Variants in RETREG1 observed in about 807,000 individuals in gnomAD.
The protein encoded by RETREG1 is family with sequence similarity 134 member B.
RETREG1 carries 44 observed loss-of-function variants against 54.8 expected under a neutral mutation model. The ratio of observed to expected loss-of-function variants is 0.80; its 90% CI spans 0.63 to 1.03. RETREG1 has a LOEUF of 1.03. Ranked by LOEUF, RETREG1 falls within the 50% of genes least tolerant of loss-of-function variation. The pLI, the probability that RETREG1 is intolerant of heterozygous loss-of-function variation, is 0.00. For missense variants in RETREG1, 554 were observed against 605.1 expected, an observed-to-expected ratio of 0.92 and a Z score of 0.89; for synonymous variants, 217 against 238.5, an observed-to-expected ratio of 0.91 and a Z score of 0.83.
intron 1 of RETREG1, among the ~76,000 whole-genome samples, chr5:16,584,755 A>G (rs1338725744): frequency 6.6e-6 from 1 of 152,210 alleles, no homozygotes; most frequent in African/African-American, 2.4e-5. Flanking sequence ...ACTATTAAGG[A>G]AAAAAAGCTG....
chr5:16,521,205 C>T (rs1377008738), intron 3 of RETREG1, among the ~76,000 whole-genome samples: 1 of 152,108 alleles, frequency 6.6e-6, no homozygotes, highest in Non-Finnish European at 1.5e-5. Context: ...GATATGAAGC[C>T]ACTTTCTTTT....
At position 16,616,691 on chromosome 5, in the gene RETREG1, C is replaced by T. The variant is rs1264334326; in HGVS notation, c.281G>A (p.Arg94Gln). Residue 94 changes from arginine to glutamine, a missense_variant, in exon 1 of 9, where the codon CGG becomes CAG. Physicochemically the swap from Arg to Gln is conservative, Grantham distance 43 (BLOSUM62 1). This residue lies in a region of RETREG1 where 175 missense variants were observed against 142.1 expected (regional missense o/e 1.23). Coordinates refer to ENST00000306320, the MANE Select transcript of RETREG1 (RefSeq NM_001034850.3). ...DELLSWKRPL[R>Q]SLLGFVAANL... ...GGCAGCGACGAAGCCGAGCAGGCTCCGCAGCGGCCTCTTCCAGCTCAGCAG... is the reference window on the plus strand; with the variant it reads ...GGCAGCGACGAAGCCGAGCAGGCTCTGCAGCGGCCTCTTCCAGCTCAGCAG... 1.3e-6 allele frequency: 2 copies of T among 1,595,950 alleles called. No individual in the cohort carries two copies. The highest frequency in any genetic ancestry group is 1.7e-6 in the Non-Finnish European group (2 of 1,177,446).
In RETREG1 at chr5:16,531,839, T is replaced by C. The variant is rs559540772; in HGVS notation, c.458+33924A>G. 5.3e-4 allele frequency among the ~76,000 whole-genome samples: 80 copies of C among 152,180 alleles called. 1 individual carries two copies. The highest frequency in any genetic ancestry group is 1.3e-4 in the Non-Finnish European group (9 of 68,016). On this transcript the variant is annotated intron_variant, in intron 3 of 8. Transcript: ENST00000306320. Reference sequence around the variant, plus strand: ...TGACCATCACTGAGTTTGGCTGCTCTTTCTCAACACAAGCAGTGAGCAAAC... The same window carrying C: ...TGACCATCACTGAGTTTGGCTGCTCCTTCTCAACACAAGCAGTGAGCAAAC...
At position 16,474,595 on chromosome 5, in the gene RETREG1, A is replaced by T; in HGVS notation, c.*146T>A. The T allele has an allele frequency of 1.1e-6, 1 of 909,162 alleles. No individual in the cohort carries two copies. Among genetic ancestry groups the T allele is most frequent in the Non-Finnish European group, 1.6e-6 (1 of 608,574 alleles). The allele number at this position is 909,162 out of a possible 1,614,324, so 56.3% of individuals were successfully genotyped here. A position where few individuals can be genotyped will look rare whatever the true frequency, so the allele number is the denominator to read the frequency against. On this transcript the variant is annotated 3_prime_UTR_variant, in exon 9 of 9. Coordinates refer to ENST00000306320, the MANE Select transcript of RETREG1 (RefSeq NM_001034850.3). ...AGTGTCAGCTGATATATATCCAATT[A>T]ATTCACTGCAGGAGGGAAAATAAAA... is the stretch of plus-strand genomic sequence containing the variant.
At chr5:16,551,457 CTACCTTG>C (rs1741539882) in intron 3 of RETREG1, among the ~76,000 whole-genome samples, 1 of 152,172 alleles carries the variant, frequency 6.6e-6, no homozygotes, top group African/African-American at 2.4e-5. Flanking sequence ...CTCTTCTTGA[CTACCTTG>C]GCCATGTTGG....
intron 3 of RETREG1, among the ~76,000 whole-genome samples, chr5:16,539,555 C>T (rs1741179967): frequency 6.6e-6 from 1 of 152,186 alleles, no homozygotes; most frequent in Non-Finnish European, 1.5e-5. Context: ...CTCATCTCCT[C>T]CTGCTCGGCA....
At chr5:16,500,054 G>T (rs930379746) in intron 3 of RETREG1, among the ~76,000 whole-genome samples, 6 of 152,186 alleles carry the variant, frequency 3.9e-5, no homozygotes, top group Admixed American at 3.9e-4. Context: ...GTTGTGGCCT[G>T]GCCTGAAAGA....
chr5:16,600,279 G>T (rs568623514), intron 1 of RETREG1, among the ~76,000 whole-genome samples: 115 of 152,314 alleles, frequency 7.6e-4, no homozygotes, highest in Non-Finnish European at 1.5e-3. Context: ...GGGATTACAG[G>T]CGTTAGCCAC....
chr5:16,515,218 C>T (rs1436816404), intron 3 of RETREG1, among the ~76,000 whole-genome samples: 13 of 152,034 alleles, frequency 8.6e-5, no homozygotes, highest in Admixed American at 8.5e-4. Context: ...TACATTCCCA[C>T]CAGCAGTGTA....
Position 16,616,683 on chromosome 5 carries a change from G to A in RETREG1, c.289C>T (p.Leu97Phe). ...AGCAGGTTGGCAGCGACGAAGCCGAGCAGGCTCCGCAGCGGCCTCTTCCAG... is the reference window on the plus strand; with the variant it reads ...AGCAGGTTGGCAGCGACGAAGCCGAACAGGCTCCGCAGCGGCCTCTTCCAG... ...LSWKRPLRSL[L>F]GFVAANLLFW... is the part of the protein sequence containing the mutation. Residue 97 changes from leucine (L) to phenylalanine (F), a missense_variant, in exon 1 of 9, where the codon CTC becomes TTC. Transcript: ENST00000306320. 1 of 1,595,940 alleles carries A rather than the reference G, an allele frequency of 6.3e-7. No individual in the cohort carries two copies. The highest frequency in any genetic ancestry group is 2.2e-5 in the East Asian group (1 of 44,532).
In RETREG1 at chr5:16,561,517, T is replaced by TAAATA. The variant is rs1022401766; in HGVS notation, c.458+4241_458+4245dup. ...GTCTCAAAAAATAATAATAATAAAA[T>TAAATA]AAATAAAATAAAATAAAATACAAAT... On this transcript the variant is annotated intron_variant, in intron 3 of 8. Transcript: ENST00000306320. This position sits in a 1 kb window ranked among gnomAD's most constrained non-coding sequence, Gnocchi z 4.2. 9.9e-5 allele frequency among the ~76,000 whole-genome samples: 15 copies of TAAATA among 151,674 alleles called. No individual in the cohort carries two copies. In the East Asian group the frequency reaches 1.2e-3, roughly 12 times the overall value.
intron 3 of RETREG1, among the ~76,000 whole-genome samples, chr5:16,514,543 TA>T (rs1740283569): frequency 6.6e-6 from 1 of 152,238 alleles, no homozygotes; most frequent in Non-Finnish European, 1.5e-5. Flanking sequence ...TTAATTTTTT[TA>T]TTTCAATAGT....
In RETREG1 at chr5:16,616,954, A is replaced by G. The variant is rs773314283; in HGVS notation, c.18T>C (p.Pro6=). 57 of 1,438,148 alleles carry G rather than the reference A, an allele frequency of 4.0e-5. No homozygotes were observed. The highest frequency in any genetic ancestry group is 1.3e-4 in the African/African-American group (9 of 67,354). 89.1% of individuals were successfully genotyped at this position (1,438,148 alleles called of 1,614,324 possible). ...GGCATCCCTCCTCGGCGTGCTCCGG[A>G]GGCGCCGGGCTCGCCATCTTCAGCT... MASPA[P]PEHAEEGCPA... Residue 6 remains proline (P), a synonymous_variant, in exon 1 of 9, where the codon CCT becomes CCC. Coordinates refer to ENST00000306320, the MANE Select transcript of RETREG1 (RefSeq NM_001034850.3).
Position 16,597,065 on chromosome 5 carries a change from G to A in RETREG1, c.320+19587C>T, listed in dbSNP as rs35001. 0.33 allele frequency among the ~76,000 whole-genome samples: 49,994 copies of A among 152,108 alleles called. 8,481 individuals are homozygous for A. The highest frequency in any genetic ancestry group is 0.37 in the Non-Finnish European group (25,099 of 67,982). On this transcript the variant is annotated intron_variant, in intron 1 of 8. Transcript: ENST00000306320. The surrounding 1 kb of genome is among the most constrained non-coding windows in gnomAD (Gnocchi z 4.3). ...GAAAAATGCATCTACACCAAAGGAC[G>A]TGGAAAGAATCCTGAAGAAGTAGGC...
chr5:16,591,055 C>T (rs1485116639), intron 1 of RETREG1, among the ~76,000 whole-genome samples: 1 of 152,062 alleles, frequency 6.6e-6, no homozygotes, highest in Non-Finnish European at 1.5e-5. Flanking sequence ...TCTATCATAG[C>T]ACAGAATAAA....
At chr5:16,580,459 A>AGT (rs1742450991) in intron 1 of RETREG1, among the ~76,000 whole-genome samples, 1 of 152,212 alleles carries the variant, frequency 6.6e-6, no homozygotes, top group Non-Finnish European at 1.5e-5. Context: ...AATTACTTTA[A>AGT]AGTATGTAAT....
chr5:16,508,908 C>T, intron 3 of RETREG1: 3 of 1,238,758 alleles, frequency 2.4e-6, no homozygotes, highest in Non-Finnish European at 3.0e-6. Context: ...CTGTGACAGG[C>T]GGCTGGAAGT....
At chr5:16,540,674 A>G (rs1741213874) in intron 3 of RETREG1, among the ~76,000 whole-genome samples, 1 of 152,174 alleles carries the variant, frequency 6.6e-6, no homozygotes, top group Non-Finnish European at 1.5e-5. Flanking sequence ...GGTGCTGGGC[A>G]CTCCACATGC....
At chr5:16,571,660 C>T (rs1742175009) in intron 2 of RETREG1, among the ~76,000 whole-genome samples, 2 of 152,160 alleles carry the variant, frequency 1.3e-5, no homozygotes, top group Non-Finnish European at 2.9e-5. Flanking sequence ...AAAATTTTTA[C>T]ATAAACTAGT....
Sources: gnomAD v4.1 joint callset for allele counts (sites outside exome capture counted in the v4.1 genomes callset) on GRCh38, gnomAD v4.1.1 for gene constraint, gnomAD v4.1.1 regional missense constraint, Gnocchi (gnomAD v3.1) non-coding constraint, MANE v1.5 for transcripts, NCBI Gene and HGNC (gene_info 2026-07-23, HGNC 2026-07-21) for gene names.